The following SS18 variants were observed in gnomAD, a reference collection of about 807,000 sequenced individuals.
SS18 encodes protein SSXT.
A neutral mutation model predicts 72.5 loss-of-function variants in SS18; 28 were observed. The observed-to-expected ratio is 0.39, with a 90% CI of 0.29 to 0.53. The LOEUF is 0.53. Ranked by LOEUF, SS18 falls within the 20% of genes least tolerant of loss-of-function variation. The pLI is 0.76. For synonymous variants in SS18, 172 were observed against 164.2 expected, an observed-to-expected ratio of 1.05 and a Z score of -0.37; for missense variants, 518 against 535.3, an observed-to-expected ratio of 0.97 and a Z score of 0.32.
chr18:26,055,537 G>A (rs984695307), intron 4 of SS18, among the ~76,000 whole-genome samples: 2 of 152,054 alleles, frequency 1.3e-5, no homozygotes, highest in African/African-American at 4.8e-5. Flanking sequence ...CCAGATCAAT[G>A]AGAACATAAG....
At chr18:26,061,916 C>G (rs1481294111) in intron 3 of SS18, among the ~76,000 whole-genome samples, 1 of 152,102 alleles carries the variant, frequency 6.6e-6, no homozygotes, top group Non-Finnish European at 1.5e-5. Context: ...AATAATGACT[C>G]TACTGGTTTA....
At chr18:26,036,521 C>T (rs1180214680) in intron 7 of SS18, among the ~76,000 whole-genome samples, 1 of 152,122 alleles carries the variant, frequency 6.6e-6, no homozygotes, top group African/African-American at 2.4e-5. Flanking sequence ...CATAAACATA[C>T]ATCTTCATAA....
chr18:26,052,472 G>A, intron 5 of SS18, 152 bp downstream of exon 5: 1 of 635,618 alleles, frequency 1.6e-6, no homozygotes, highest in Non-Finnish European at 2.7e-6. Context: ...ATTTAAACTA[G>A]CTTCAAACTC....
intron 10 of SS18, among the ~76,000 whole-genome samples, chr18:26,028,959 G>A (rs1177257819): frequency 6.6e-6 from 1 of 152,166 alleles, no homozygotes; most frequent in Non-Finnish European, 1.5e-5. Context: ...AAAAGGGTAG[G>A]GAAAAAGAGT....
chr18:26,054,685 A>G (rs1555649093), intron 4 of SS18, among the ~76,000 whole-genome samples: 1 of 152,164 alleles, frequency 6.6e-6, no homozygotes, highest in Non-Finnish European at 1.5e-5. Context: ...TTTAAAAAAA[A>G]AGAGTAAAAA....
intron 3 of SS18, among the ~76,000 whole-genome samples, chr18:26,060,805 A>AAAAAAAAAAAC (rs2054108772): frequency 7.2e-6 from 1 of 139,620 alleles, no homozygotes; most frequent in African/African-American, 2.9e-5. Context: ...AAAAAAAAAA[A>AAAAAAAAAAAC]ATCAGCCAGG....
Position 26,035,340 on chromosome 18 carries a change from G to C in SS18, c.974-213C>G. ...GCCAATTTTGCAAGGTTGAACTGCAGCATTTTCAGCGTCTCTGCCATACGA... is the reference window on the plus strand; with the variant it reads ...GCCAATTTTGCAAGGTTGAACTGCACCATTTTCAGCGTCTCTGCCATACGA... On this transcript the variant is annotated intron_variant, in intron 8 of 10. Transcript: ENST00000415083. The surrounding 1 kb of genome is among the most constrained non-coding windows in gnomAD (Gnocchi z 4.4). 1 of 491,836 alleles carries C rather than the reference G, an allele frequency of 2.0e-6. No individual in the cohort carries two copies. Among genetic ancestry groups the C allele is most frequent in the Admixed American group, 3.5e-5 (1 of 28,738 alleles). 30.5% of individuals were successfully genotyped at this position (491,836 alleles called of 1,614,324 possible).
intron 2 of SS18, 134 bp downstream of exon 2, chr18:26,087,367 A>G (rs1598619471): frequency 1.0e-5 from 6 of 594,350 alleles, no homozygotes; most frequent in Admixed American, 3.5e-5. Flanking sequence ...ATACTAAAAA[A>G]CATTGAATTG....
intron 5 of SS18, among the ~76,000 whole-genome samples, chr18:26,047,654 ACAC>A: frequency 6.6e-6 from 1 of 152,288 alleles, no homozygotes; most frequent in South Asian, 2.1e-4. Flanking sequence ...ATCCTGGCTA[ACAC>A]GGTGAAACCC....
intron 5 of SS18, among the ~76,000 whole-genome samples, chr18:26,046,411 T>C (rs2053824994): frequency 6.6e-6 from 1 of 152,126 alleles, no homozygotes; most frequent in South Asian, 2.1e-4. Context: ...TCCAACATTT[T>C]ATCCTTTACA....
Position 26,017,839 on chromosome 18 carries a change from C to T in SS18, c.*515G>A. ...TTTTGAGACCAAAACAATCAAGCAT[C>T]TACCATGTTCCAGTCCACATTAACA... On this transcript the variant is annotated 3_prime_UTR_variant, in exon 11 of 11. Transcript: ENST00000415083. 1 of 228,628 alleles carries T rather than the reference C, an allele frequency of 4.4e-6. No individual in the cohort carries two copies. The highest frequency in any genetic ancestry group is 8.7e-6 in the Non-Finnish European group (1 of 115,144). The allele number at this position is 228,628 out of a possible 1,614,324, so 14.2% of individuals were successfully genotyped here. A position where few individuals can be genotyped will look rare whatever the true frequency, so the allele number is the denominator to read the frequency against.
At chr18:26,062,470 A>G (rs939461034) in intron 3 of SS18, among the ~76,000 whole-genome samples, 2 of 152,208 alleles carry the variant, frequency 1.3e-5, no homozygotes, top group Non-Finnish European at 2.9e-5. Flanking sequence ...AAAATCAAAT[A>G]GAAAAAATTA....
At chr18:26,064,434 C>A (rs919191908) in intron 3 of SS18, among the ~76,000 whole-genome samples, 1 of 152,014 alleles carries the variant, frequency 6.6e-6, no homozygotes, top group Non-Finnish European at 1.5e-5. Flanking sequence ...TACATTATAA[C>A]CAATGAAATT....
rs532452738 is a variant in SS18, at chr18:26,035,530, A to C, written c.973+301T>G. On this transcript the variant is annotated intron_variant, in intron 8 of 10. Coordinates refer to ENST00000415083, the MANE Select transcript of SS18 (RefSeq NM_001007559.3). The surrounding 1 kb of genome is among the most constrained non-coding windows in gnomAD (Gnocchi z 4.4). ...TATATGTAAAATTATACATATGTAA[A>C]CACACACGAGAAAAAAAAGTTTGAT... 66 of 305,310 alleles carry C rather than the reference A, an allele frequency of 2.2e-4. 2 individuals are homozygous for C. The Middle Eastern group carries it at 3.7e-3, about 17-fold the overall frequency. The allele number at this position is 305,310 out of a possible 1,614,324, so 18.9% of individuals were successfully genotyped here. A position where few individuals can be genotyped will look rare whatever the true frequency, so the allele number is the denominator to read the frequency against.
At position 26,052,654 on chromosome 18, in the gene SS18, T is replaced by G; in HGVS notation, c.577A>C (p.Arg193=). ...QGQPMGNYGP[R]PNMSMQPNQG... ...TTTGGCTGCATACTCATATTTGGTC[T>G]GGGACCATAGTTTCCCATTGGTTGT... Residue 193 remains arginine (R), a synonymous_variant, in exon 5 of 11, where the codon AGA becomes CGA. Transcript: ENST00000415083. The G allele has an allele frequency of 6.2e-7, 1 of 1,614,166 alleles. No individual in the cohort carries two copies.
intron 3 of SS18, among the ~76,000 whole-genome samples, chr18:26,070,634 G>C (rs1466593579): frequency 2.0e-5 from 3 of 152,148 alleles, no homozygotes; most frequent in Non-Finnish European, 4.4e-5. Context: ...TTAGATTCTT[G>C]ACTTTTAGAT....
intron 2 of SS18, chr18:26,085,930 A>C: frequency 6.6e-6 from 1 of 152,168 alleles, no homozygotes. Context: ...TACACCAGTG[A>C]AGTCTCTAGG....
chr18:26,039,577 T>C lies in SS18; in HGVS notation c.608-121A>G, dbSNP rs913855826. The C allele has an allele frequency of 2.2e-5, 18 of 823,812 alleles. No homozygotes were observed. In the African/African-American group the frequency reaches 2.5e-4, roughly 11 times the overall value. 51.0% of individuals were successfully genotyped at this position (823,812 alleles called of 1,614,324 possible). Reference sequence around the variant, plus strand: ...ATATATAATTAAATGCAGTAAAAACTGATTTCAAATAATAAAAATAAGTCT... The same window carrying C: ...ATATATAATTAAATGCAGTAAAAACCGATTTCAAATAATAAAAATAAGTCT... On this transcript the variant is annotated intron_variant, in intron 5 of 10. Transcript: ENST00000415083.
At chr18:26,031,748 G>C (rs2053545482) in intron 10 of SS18, among the ~76,000 whole-genome samples, 1 of 152,132 alleles carries the variant, frequency 6.6e-6, no homozygotes, top group Admixed American at 6.6e-5. Context: ...AGAAATAACA[G>C]TTGAAATAAT....
Sources: gnomAD v4.1 joint callset for allele counts (sites outside exome capture counted in the v4.1 genomes callset) on GRCh38, gnomAD v4.1.1 for gene constraint, Gnocchi (gnomAD v3.1) non-coding constraint, MANE v1.5 for transcripts, NCBI Gene and HGNC (gene_info 2026-07-23, HGNC 2026-07-21) for gene names.